FRK: variants seen among roughly 807,000 people sequenced by gnomAD.
The protein encoded by FRK is tyrosine-protein kinase FRK.
A neutral mutation model predicts 56.4 loss-of-function variants in FRK; 51 were observed. The observed-to-expected ratio is 0.90, with a 90% CI of 0.72 to 1.14. FRK has a LOEUF of 1.14. FRK is among the 50% of genes most tolerant of loss of function. The probability of loss-of-function intolerance (pLI) is 0.00; values close to 1 mark genes in which losing one functional copy is unlikely to be tolerated. For missense variants in FRK, 570 were observed against 601.4 expected (o/e 0.95, Z 0.55); for synonymous variants, 245 against 217.9 (o/e 1.12, Z -1.10).
At chr6:116,094,781 GA>G in the FRK span, among the ~76,000 whole-genome samples, 9 of 152,258 alleles carry the variant, frequency 5.9e-5, no homozygotes, top group African/African-American at 2.2e-4. Flanking sequence ...GAGAAGAAGA[GA>G]GGGGAAGAGA....
At chr6:116,092,618 C>T in the FRK span, among the ~76,000 whole-genome samples, 1 of 152,194 alleles carries the variant, frequency 6.6e-6, no homozygotes, top group African/African-American at 2.4e-5. Flanking sequence ...AGGAGGAAAA[C>T]TAGTGTTTCT....
Position 115,943,036 on chromosome 6 carries a change from G to A in FRK, c.1290C>T (p.Gly430=), listed in dbSNP as rs1562247021. ...ATTACTCACCACTGTAAGGCATTTT[G>A]CCATAAGTAATGATTTCATAAAGAA... The part of the protein sequence containing the change: ...GILLYEIITY[G]KMPYSGMTGA... Residue 430 remains glycine (G), a synonymous_variant, in exon 7 of 8, where the codon GGC becomes GGT. Coordinates refer to ENST00000606080, the MANE Select transcript of FRK (RefSeq NM_002031.3). 6.2e-7 allele frequency: 1 copy of A among 1,611,774 alleles called. No homozygotes were observed. The highest frequency in any genetic ancestry group is 2.2e-5 in the East Asian group (1 of 44,840).
the FRK span, among the ~76,000 whole-genome samples, chr6:116,097,459 C>T: frequency 2.0e-5 from 3 of 152,132 alleles, no homozygotes; most frequent in Admixed American, 6.5e-5. Flanking sequence ...GGCCATTTCC[C>T]TCCTTCCCAA....
At chr6:116,018,108 T>C (rs1775719040) in intron 1 of FRK, among the ~76,000 whole-genome samples, 2 of 152,200 alleles carry the variant, frequency 1.3e-5, no homozygotes, top group African/African-American at 4.8e-5. Flanking sequence ...GGCCCCCTAA[T>C]AGGTTGCTGA....
intron 1 of FRK, among the ~76,000 whole-genome samples, chr6:116,029,911 C>T (rs538336764): frequency 5.1e-4 from 78 of 152,002 alleles, no homozygotes; most frequent in Middle Eastern, 3.4e-3. Flanking sequence ...AAATTTTTTC[C>T]AATTATTTTG....
At chr6:116,015,229 C>T (rs548649916) in intron 1 of FRK, among the ~76,000 whole-genome samples, 15 of 152,204 alleles carry the variant, frequency 9.9e-5, no homozygotes, top group African/African-American at 3.4e-4. Context: ...CTTCCCATGC[C>T]GTTCTCATGG....
At chr6:115,971,755 G>A (rs796647321) in intron 2 of FRK, among the ~76,000 whole-genome samples, 44 of 152,262 alleles carry the variant, frequency 2.9e-4, no homozygotes, top group African/African-American at 7.7e-4. Flanking sequence ...ATCAGATGTC[G>A]AATCTTCTCT....
intron 5 of FRK, among the ~76,000 whole-genome samples, chr6:115,948,173 G>A (rs1197790873): frequency 2.0e-5 from 3 of 152,222 alleles, no homozygotes; most frequent in Non-Finnish European, 4.4e-5. Flanking sequence ...TATGTTGCAA[G>A]CTGCCCAGTG....
At chr6:116,051,630 T>C (rs1429276614) in intron 1 of FRK, among the ~76,000 whole-genome samples, 1 of 152,118 alleles carries the variant, frequency 6.6e-6, no homozygotes, top group East Asian at 1.9e-4. Flanking sequence ...TAGGAAAATA[T>C]CTGTAAGGAA....
At chr6:115,958,712 A>AAAG (rs1773162953) in intron 4 of FRK, among the ~76,000 whole-genome samples, 2 of 16,514 alleles carry the variant, frequency 1.2e-4, no homozygotes, top group African/African-American at 4.9e-4. Flanking sequence ...AAGAAGAAAG[A>AAAG]AAGAAAGAAA....
At chr6:115,944,188 T>C (rs1772323143) in intron 6 of FRK, 56 bp downstream of exon 6, 3 of 1,393,324 alleles carry the variant, frequency 2.2e-6, no homozygotes, top group Non-Finnish European at 3.0e-6. Context: ...ATTGGTCTAC[T>C]AACTGTTAGA....
the FRK span, among the ~76,000 whole-genome samples, chr6:116,088,050 C>T: frequency 6.6e-6 from 1 of 152,190 alleles, no homozygotes; most frequent in Non-Finnish European, 1.5e-5. Context: ...CTCCTCCTTC[C>T]AGTGGACAAT....
At chr6:116,093,199 C>T in the FRK span, among the ~76,000 whole-genome samples, 2 of 152,032 alleles carry the variant, frequency 1.3e-5, no homozygotes, top group African/African-American at 4.8e-5. Context: ...AATGATAAGC[C>T]TCCTCCAATC....
chr6:115,982,930 G>A (rs980131916), intron 2 of FRK, among the ~76,000 whole-genome samples: 6 of 151,936 alleles, frequency 3.9e-5, no homozygotes, highest in African/African-American at 1.5e-4. Flanking sequence ...AATTTAGCCA[G>A]GCATGGTGGC....
chr6:116,028,724 T>C lies in FRK; in HGVS notation c.345-24726A>G, dbSNP rs139213702. 3.0e-3 allele frequency among the ~76,000 whole-genome samples: 450 copies of C among 152,246 alleles called. 13 individuals are homozygous for C. In the South Asian group the frequency reaches 0.044, roughly 15 times the overall value. On this transcript the variant is annotated intron_variant, in intron 1 of 7. Transcript: ENST00000606080. Reference sequence around the variant, plus strand: ...AAGTACATATTAGGGCTCCATCCTATGCCCGTATGGTCTCCTCCTAACTAA... The same window carrying C: ...AAGTACATATTAGGGCTCCATCCTACGCCCGTATGGTCTCCTCCTAACTAA...
rs1427010172 is a variant in FRK at position 115,935,610 on chromosome 6, CAT to C, written c.*6802_*6803del. ...CTAAGATTCACTGGCTTGAAATCCTCATTGCAAGCACAGCAGTCTGAGGTCGA... is the reference window on the plus strand; with the variant it reads ...CTAAGATTCACTGGCTTGAAATCCTCTGCAAGCACAGCAGTCTGAGGTCGA... On this transcript the variant is annotated 3_prime_UTR_variant, in exon 8 of 8. Transcript: ENST00000606080. The C allele has an allele frequency of 6.6e-6, 1 of 152,344 alleles. No homozygotes were observed. The highest frequency in any genetic ancestry group is 1.5e-5 in the Non-Finnish European group (1 of 68,138). The allele number at this position is 152,344 out of a possible 1,614,324, so 9.4% of individuals were successfully genotyped here. A position where few individuals can be genotyped will look rare whatever the true frequency, so the allele number is the denominator to read the frequency against.
intron 2 of FRK, among the ~76,000 whole-genome samples, chr6:115,986,842 T>C (rs1193886570): frequency 6.6e-6 from 1 of 152,166 alleles, no homozygotes; most frequent in African/African-American, 2.4e-5. Flanking sequence ...CATCGAGTAA[T>C]GTGTGTTGAC....
the FRK span, among the ~76,000 whole-genome samples, chr6:116,067,717 T>C: frequency 6.6e-6 from 1 of 152,032 alleles, no homozygotes; most frequent in African/African-American, 2.4e-5. Context: ...ATTGCAAGAG[T>C]CTTGTTGTTG....
At position 115,938,228 on chromosome 6, in the gene FRK, G is replaced by A. The variant is rs1184770890; in HGVS notation, c.*4186C>T. 1.3e-5 allele frequency: 2 copies of A among 152,122 alleles called. No individual in the cohort carries two copies. Among genetic ancestry groups the A allele is most frequent in the African/African-American group, 4.8e-5 (2 of 41,422 alleles). The allele number at this position is 152,122 out of a possible 1,614,324, so 9.4% of individuals were successfully genotyped here. A position where few individuals can be genotyped will look rare whatever the true frequency, so the allele number is the denominator to read the frequency against. ...AACAACCTGCTCCTGAATGACTACT[G>A]GGTAAATAATAAAATTAAGGTAGAA... On this transcript the variant is annotated 3_prime_UTR_variant, in exon 8 of 8. Coordinates refer to ENST00000606080, the MANE Select transcript of FRK (RefSeq NM_002031.3).
Sources: gnomAD v4.1 joint callset for allele counts (sites outside exome capture counted in the v4.1 genomes callset) on GRCh38, gnomAD v4.1.1 for gene constraint, MANE v1.5 for transcripts, NCBI Gene and HGNC (gene_info 2026-07-23, HGNC 2026-07-21) for gene names.